The following SATB2 variants were observed in gnomAD, a reference collection of about 807,000 sequenced individuals.
SATB2 encodes the protein DNA-binding protein SATB2.
A neutral mutation model predicts 73.4 loss-of-function variants in SATB2; 1 was observed. The ratio of observed to expected loss-of-function variants is 0.01; its 90% CI spans 0.00 to 0.06. The LOEUF (loss-of-function observed/expected upper bound fraction) is 0.06, where lower values mean the gene tolerates loss of function less well. SATB2 is among the 10% of genes least tolerant of loss of function. SATB2 has a pLI of 1.00. For missense variants in SATB2, 459 were observed against 945.8 expected (o/e 0.49, Z 6.75); for synonymous variants, 397 against 367.0 (o/e 1.08, Z -0.93).
At chr2:199,382,648 A>C (rs1481355596) in intron 3 of SATB2, among the ~76,000 whole-genome samples, 2 of 152,210 alleles carry the variant, frequency 1.3e-5, no homozygotes, top group African/African-American at 4.8e-5. Flanking sequence ...TAACTTATTC[A>C]TAAGATAGGC....
chr2:199,458,385 G>C, upstream of SATB2: 1 of 322,806 alleles, frequency 3.1e-6, no homozygotes. Context: ...GGGGAGAGTC[G>C]GCGGTCGGAG....
At chr2:199,461,193 C>T (rs1692468198), upstream of SATB2, among the ~76,000 whole-genome samples, 2 of 152,120 alleles carry the variant, frequency 1.3e-5, no homozygotes, top group South Asian at 2.1e-4. Context: ...GATCTATGTC[C>T]GGTGTGGGTT....
chr2:199,405,258 G>A (rs1318745584), intron 3 of SATB2, among the ~76,000 whole-genome samples: 1 of 152,148 alleles, frequency 6.6e-6, no homozygotes, highest in Non-Finnish European at 1.5e-5. Context: ...CAACAACAAA[G>A]CACTTCAGAA....
upstream of SATB2, among the ~76,000 whole-genome samples, chr2:199,466,619 C>A (rs532904517): frequency 6.6e-6 from 1 of 152,316 alleles, no homozygotes; most frequent in African/African-American, 2.4e-5. Context: ...CTGTCCTCCC[C>A]CAAACAACCT....
chr2:199,329,153 A>G (rs1456768043), intron 7 of SATB2: 4 of 524,318 alleles, frequency 7.6e-6, no homozygotes, highest in Non-Finnish European at 1.4e-5. Context: ...TCATCAGTGT[A>G]CAGACATGCC....
At chr2:199,441,638 G>A (rs1170909167) in intron 2 of SATB2, among the ~76,000 whole-genome samples, 4 of 152,102 alleles carry the variant, frequency 2.6e-5, no homozygotes, top group Non-Finnish European at 5.9e-5. Flanking sequence ...GAGAGTGGAC[G>A]CTAGTCCTCG....
chr2:199,396,688 A>G (rs1235357637), intron 3 of SATB2: 1 of 152,206 alleles, frequency 6.6e-6, no homozygotes, highest in Admixed American at 6.5e-5. Context: ...ACCCACGGTT[A>G]TTAGTGAAAA....
At chr2:199,342,778 A>G (rs1688543960) in intron 7 of SATB2, among the ~76,000 whole-genome samples, 3 of 152,224 alleles carry the variant, frequency 2.0e-5, no homozygotes, top group African/African-American at 7.2e-5. Context: ...ACCTTGTCAT[A>G]AAGTGTGGAT....
chr2:199,409,521 G>A (rs1396679542), intron 3 of SATB2, among the ~76,000 whole-genome samples: 2 of 152,124 alleles, frequency 1.3e-5, no homozygotes, highest in Admixed American at 6.5e-5. Flanking sequence ...ATATTGCATA[G>A]TTAATACGAC....
At chr2:199,359,847 C>CT (rs1689087104) in intron 6 of SATB2, among the ~76,000 whole-genome samples, 1 of 152,144 alleles carries the variant, frequency 6.6e-6, no homozygotes, top group African/African-American at 2.4e-5. Flanking sequence ...AACTCATAGT[C>CT]TGATTTGTAC....
rs201864116 is a variant in SATB2 at position 199,323,906 on chromosome 2, T to G, written c.1439A>C (p.Asn480Thr). 3 of 1,613,510 alleles carry G rather than the reference T, an allele frequency of 1.9e-6. No homozygotes were observed. The highest frequency in any genetic ancestry group is 2.2e-5 in the East Asian group (1 of 44,858). Reference sequence around the variant, plus strand: ...ATAAATGGCAGCTGTGATGTTGATGTTGGCGCCGTCCACCTTAATAGGGAG... The same window carrying G: ...ATAAATGGCAGCTGTGATGTTGATGGTGGCGCCGTCCACCTTAATAGGGAG... ...TDLPIKVDGA[N>T]INITAAIYDE... The change falls in exon 9 of 11, where the codon AAC (asparagine) becomes ACC (threonine). Residue 480 changes from asparagine (N) to threonine (T), a missense_variant. Asn to Thr is a moderately conservative substitution (Grantham distance 65). Transcript: ENST00000417098.
rs553985877 is a variant in SATB2 at position 199,320,033 on chromosome 2, T to C, written c.1542+3770A>G. ...CCAGATCACGGGTGATTGGGTAAAA[T>C]TGGGAAGAAAGGGGGAAAGCGGCCC... On this transcript the variant is annotated intron_variant, in intron 9 of 10. Coordinates refer to ENST00000417098, the MANE Select transcript of SATB2 (RefSeq NM_001172509.2). Among the ~76,000 whole-genome samples, 18 of 151,978 alleles carry C rather than the reference T, an allele frequency of 1.2e-4. No individual in the cohort carries two copies. In the East Asian group the frequency reaches 2.5e-3, roughly 21 times the overall value.
intron 3 of SATB2, among the ~76,000 whole-genome samples, chr2:199,399,474 C>T (rs906393996): frequency 6.6e-6 from 1 of 152,120 alleles, no homozygotes; most frequent in Non-Finnish European, 1.5e-5. Flanking sequence ...GACCCTTTAT[C>T]ATTGTATTAA....
At chr2:199,297,733 A>G (rs1233022780) in intron 10 of SATB2, among the ~76,000 whole-genome samples, 2 of 152,134 alleles carry the variant, frequency 1.3e-5, no homozygotes, top group Non-Finnish European at 2.9e-5. Flanking sequence ...GCTAATGGGT[A>G]GCAAGGACAG....
At chr2:199,413,000 G>A (rs562062113) in intron 3 of SATB2, among the ~76,000 whole-genome samples, 3 of 152,166 alleles carry the variant, frequency 2.0e-5, no homozygotes, top group East Asian at 1.9e-4. Flanking sequence ...CTGTTTAGTT[G>A]GTAACAGAAA....
chr2:199,356,531 C>T (rs918228256), intron 6 of SATB2, among the ~76,000 whole-genome samples: 2 of 152,100 alleles, frequency 1.3e-5, no homozygotes, highest in African/African-American at 4.8e-5. Context: ...TTTTTAAAGA[C>T]AACGATCTTG....
chr2:199,407,142 G>C (rs1690654183), intron 3 of SATB2, among the ~76,000 whole-genome samples: 1 of 151,848 alleles, frequency 6.6e-6, no homozygotes, highest in Non-Finnish European at 1.5e-5. Flanking sequence ...CCAACATGGT[G>C]AAACCTCATC....
chr2:199,391,967 T>C (rs1253548070), intron 3 of SATB2, among the ~76,000 whole-genome samples: 2 of 152,152 alleles, frequency 1.3e-5, no homozygotes. Flanking sequence ...CACAAATGGG[T>C]TGTTTTTCTC....
upstream of SATB2, among the ~76,000 whole-genome samples, chr2:199,469,085 G>C (rs1175407207): frequency 1.3e-5 from 2 of 152,178 alleles, no homozygotes; most frequent in Non-Finnish European, 1.5e-5. Flanking sequence ...AGGCGAGAAA[G>C]GGCCCACATC....
Sources: allele counts gnomAD v4.1 joint callset (sites outside exome capture counted in the v4.1 genomes callset), GRCh38; gene constraint gnomAD v4.1.1; transcripts MANE v1.5; gene names NCBI Gene and HGNC (gene_info 2026-07-23, HGNC 2026-07-21).